Variants in GALNT17 observed in about 807,000 individuals in gnomAD.
GALNT17 encodes UDP-GalNAc:polypeptide N-acetylgalactosaminyltransferase-like 3.
GALNT17 carries 29 observed loss-of-function variants against 63.7 expected under a neutral mutation model. That is an observed-to-expected ratio of 0.46 (90% CI 0.34 to 0.62). The LOEUF is 0.62. GALNT17 is among the 20% of genes least tolerant of loss of function. The pLI is 0.01. For missense variants in GALNT17, 603 were observed against 799.6 expected (o/e 0.75, Z 2.97); for synonymous variants, 305 against 318.3 (o/e 0.96, Z 0.45).
intron 9 of GALNT17, among the ~76,000 whole-genome samples, chr7:71,709,703 A>G (rs1332978163): frequency 6.6e-6 from 1 of 151,954 alleles, no homozygotes; most frequent in Non-Finnish European, 1.5e-5. Flanking sequence ...GGTTCAAGCA[A>G]TTCTCCTGCC....
intron 2 of GALNT17, among the ~76,000 whole-genome samples, chr7:71,355,688 A>T (rs1030811663): frequency 6.6e-6 from 1 of 151,704 alleles, no homozygotes; most frequent in African/African-American, 2.4e-5. Context: ...GTCTAACACT[A>T]TGCCCAGCTA....
chr7:71,698,228 GAC>G (rs758459461), intron 9 of GALNT17, among the ~76,000 whole-genome samples: 12 of 151,938 alleles, frequency 7.9e-5, no homozygotes, highest in Non-Finnish European at 1.8e-4. Flanking sequence ...AACTAAATCT[GAC>G]AGTGTGTCTG....
At chr7:71,343,773 T>G (rs992854058) in intron 2 of GALNT17, among the ~76,000 whole-genome samples, 1 of 152,352 alleles carries the variant, frequency 6.6e-6, no homozygotes, top group East Asian at 1.9e-4. Flanking sequence ...TCTGTCCCTC[T>G]TTTTAGAGAA....
intron 6 of GALNT17, among the ~76,000 whole-genome samples, chr7:71,589,287 G>A (rs912397432): frequency 6.6e-6 from 1 of 152,134 alleles, no homozygotes; most frequent in African/African-American, 2.4e-5. Context: ...GAACTTAAAA[G>A]TAATACCTAG....
At chr7:71,202,113 A>AT (rs749272794) in intron 1 of GALNT17, among the ~76,000 whole-genome samples, 8 of 152,042 alleles carry the variant, frequency 5.3e-5, no homozygotes, top group Admixed American at 2.0e-4. Flanking sequence ...CCCAAATAGT[A>AT]TTTTTTTCTC....
At chr7:71,173,088 C>G (rs7796048) in intron 1 of GALNT17, among the ~76,000 whole-genome samples, 12,852 of 152,238 alleles carry the variant, frequency 0.084, 637 homozygotes, top group Non-Finnish European at 0.11. Context: ...TGTAAGCCTA[C>G]CTGTCTCAAC....
chr7:71,649,002 T>A (rs1029874663), intron 6 of GALNT17, among the ~76,000 whole-genome samples: 1 of 152,212 alleles, frequency 6.6e-6, no homozygotes, highest in Non-Finnish European at 1.5e-5. Flanking sequence ...TTCTAGGTGA[T>A]GTCTTTTAGG....
chr7:71,345,372 C>G (rs539456350), intron 2 of GALNT17, among the ~76,000 whole-genome samples: 1 of 152,262 alleles, frequency 6.6e-6, no homozygotes, highest in East Asian at 1.9e-4. Flanking sequence ...CTGTTATCTT[C>G]AATTTCTCCT....
intron 1 of GALNT17, among the ~76,000 whole-genome samples, chr7:71,163,984 G>T (rs1241439881): frequency 6.6e-6 from 1 of 152,204 alleles, no homozygotes; most frequent in East Asian, 1.9e-4. Context: ...ATGGAAGAAG[G>T]CTGGGTACTC....
At chr7:71,346,823 C>T (rs1197421458) in intron 2 of GALNT17, among the ~76,000 whole-genome samples, 1 of 151,980 alleles carries the variant, frequency 6.6e-6, no homozygotes, top group Non-Finnish European at 1.5e-5. Context: ...TCAATTCTTT[C>T]GAAGCTAACA....
intron 5 of GALNT17, among the ~76,000 whole-genome samples, chr7:71,543,555 G>T (rs1345134325): frequency 6.6e-6 from 1 of 152,120 alleles, no homozygotes; most frequent in East Asian, 1.9e-4. Context: ...AATTCAGGGG[G>T]AGTTAGTATG....
intron 6 of GALNT17, among the ~76,000 whole-genome samples, chr7:71,572,522 A>AC (rs1562696009): frequency 1.3e-5 from 2 of 149,806 alleles, no homozygotes; most frequent in Admixed American, 6.7e-5. Context: ...AAAAAAAAAA[A>AC]AAAAAAAACT....
chr7:71,184,881 G>A (rs894592703), intron 1 of GALNT17, among the ~76,000 whole-genome samples: 1 of 151,900 alleles, frequency 6.6e-6, no homozygotes, highest in Non-Finnish European at 1.5e-5. Context: ...GCAGCCTGCT[G>A]CACAAGCCCT....
Position 71,223,335 on chromosome 7 carries a change from C to T in GALNT17, c.238+90295C>T, listed in dbSNP as rs190411198. Among the ~76,000 whole-genome samples, 245 of 152,102 alleles carry T rather than the reference C, an allele frequency of 1.6e-3. 2 individuals carry two copies. Among genetic ancestry groups the T allele is most frequent in the Middle Eastern group, 6.8e-3 (2 of 294 alleles). Reference sequence around the variant, plus strand: ...GTAAGGAAGAATTGTCCCTTCTATCCCAGTTATTTGTTTATTCAGTCATGT... The same window carrying T: ...GTAAGGAAGAATTGTCCCTTCTATCTCAGTTATTTGTTTATTCAGTCATGT... On this transcript the variant is annotated intron_variant, in intron 1 of 10. Coordinates refer to ENST00000333538, the MANE Select transcript of GALNT17 (RefSeq NM_022479.3).
chr7:71,256,743 A>G (rs1332861798), intron 1 of GALNT17, among the ~76,000 whole-genome samples: 7 of 152,212 alleles, frequency 4.6e-5, no homozygotes, highest in African/African-American at 1.4e-4. Flanking sequence ...ACTTTTTTCA[A>G]TGACAATAAT....
chr7:71,235,930 A>G (rs1171666689), intron 1 of GALNT17, among the ~76,000 whole-genome samples: 2 of 152,226 alleles, frequency 1.3e-5, no homozygotes, highest in Admixed American at 6.5e-5. Context: ...CTTTAATCCC[A>G]GCACTTTGGC....
At chr7:71,158,118 T>C (rs1007615276) in intron 1 of GALNT17, among the ~76,000 whole-genome samples, 6 of 149,122 alleles carry the variant, frequency 4.0e-5, no homozygotes, top group Admixed American at 3.3e-4. Context: ...GATATATTGA[T>C]TCCCCCTTTT....
At chr7:71,205,022 A>T (rs1469679424) in intron 1 of GALNT17, among the ~76,000 whole-genome samples, 2 of 152,066 alleles carry the variant, frequency 1.3e-5, no homozygotes, top group Non-Finnish European at 2.9e-5. Flanking sequence ...CTGGGATTAC[A>T]TCTTTTCATT....
chr7:71,519,576 G>C (rs781326285), intron 5 of GALNT17, among the ~76,000 whole-genome samples: 1 of 152,096 alleles, frequency 6.6e-6, no homozygotes, highest in Non-Finnish European at 1.5e-5. Context: ...TGATTCTTGT[G>C]CCTCACCCTC....
Sources: allele counts gnomAD v4.1 joint callset (sites outside exome capture counted in the v4.1 genomes callset), GRCh38; gene constraint gnomAD v4.1.1; transcripts MANE v1.5; gene names NCBI Gene and HGNC (gene_info 2026-07-23, HGNC 2026-07-21).